EPB41L1: variants seen among roughly 807,000 people sequenced by gnomAD.
The protein encoded by EPB41L1 is band 4.1-like protein 1.
EPB41L1 carries 29 observed loss-of-function variants against 97.8 expected under a neutral mutation model. The observed-to-expected ratio is 0.30, with a 90% CI of 0.22 to 0.40. EPB41L1 has a LOEUF of 0.40. Among genes scored for constraint, EPB41L1 ranks in the 10% least tolerant of loss-of-function variants. EPB41L1 has a pLI of 1.00. For missense variants in EPB41L1, 812 were observed against 1,162.3 expected, an observed-to-expected ratio of 0.70 and a Z score of 4.38; for synonymous variants, 383 against 459.2, an observed-to-expected ratio of 0.83 and a Z score of 2.12.
intron 21 of EPB41L1, among the ~76,000 whole-genome samples, chr20:36,229,101 T>C (rs1273293829): frequency 6.6e-6 from 1 of 152,116 alleles, no homozygotes; most frequent in Non-Finnish European, 1.5e-5. Context: ...GCCTTGAGTT[T>C]CTCACCTCAA....
upstream of EPB41L1, chr20:36,153,024 C>T (rs1030135085): frequency 2.2e-6 from 1 of 456,626 alleles, no homozygotes; most frequent in African/African-American, 2.0e-5. Flanking sequence ...CTCTGCTCTT[C>T]ATCCGCTGCT....
chr20:36,177,912 G>A (rs540460928), intron 3 of EPB41L1, 40 bp from the exon 4 acceptor site: 8 of 1,531,764 alleles, frequency 5.2e-6, no homozygotes, highest in African/African-American at 1.4e-5. Context: ...TCGCCCCGGG[G>A]TGTGCTTCAG....
chr20:36,196,867 C>T (rs912297932), intron 13 of EPB41L1, among the ~76,000 whole-genome samples: 6 of 152,230 alleles, frequency 3.9e-5, no homozygotes, highest in Non-Finnish European at 8.8e-5. Context: ...CCTGCCAGCT[C>T]CTGCACAAAG....
chr20:36,159,285 T>C (rs1014587018), intron 1 of EPB41L1, among the ~76,000 whole-genome samples: 1 of 152,212 alleles, frequency 6.6e-6, no homozygotes, highest in African/African-American at 2.4e-5. Flanking sequence ...CATCAGAGCT[T>C]CCTCTATAAT....
At chr20:36,169,447 C>A (rs904407300) in intron 1 of EPB41L1, among the ~76,000 whole-genome samples, 2 of 152,082 alleles carry the variant, frequency 1.3e-5, no homozygotes, top group Non-Finnish European at 2.9e-5. Context: ...CTGGCAGCAA[C>A]GCTTAGTGTT....
intron 11 of EPB41L1, among the ~76,000 whole-genome samples, chr20:36,192,752 G>A (rs1293811194): frequency 2.0e-5 from 3 of 152,140 alleles, no homozygotes; most frequent in East Asian, 3.9e-4. Context: ...TAGCAGGTTT[G>A]TAAGCATTTG....
chr20:36,160,372 T>C (rs1600670032), intron 1 of EPB41L1, among the ~76,000 whole-genome samples: 1 of 152,004 alleles, frequency 6.6e-6, no homozygotes, highest in African/African-American at 2.4e-5. Context: ...TCACCTGAGG[T>C]CAGGAGTTCA....
chr20:36,133,792 G>A (rs1434906108), intron 2 of EPB41L1, among the ~76,000 whole-genome samples: 1 of 151,450 alleles, frequency 6.6e-6, no homozygotes, highest in Admixed American at 6.6e-5. Context: ...AGGAGGTTGA[G>A]GCTTGCAGTG....
chr20:36,174,040 G>A, intron 2 of EPB41L1, 86 bp downstream of exon 2: 1 of 1,430,392 alleles, frequency 7.0e-7, no homozygotes. Flanking sequence ...TTTTTCTGGA[G>A]GGAGGAAAGA....
chr20:36,155,546 C>T, intron 1 of EPB41L1: 1 of 455,006 alleles, frequency 2.2e-6, no homozygotes, highest in Non-Finnish European at 4.4e-6. Flanking sequence ...AGGCTGGGGT[C>T]TCAGGGATGG....
At chr20:36,142,624 G>T (rs1031756819) in intron 2 of EPB41L1, among the ~76,000 whole-genome samples, 2 of 152,304 alleles carry the variant, frequency 1.3e-5, no homozygotes, top group Middle Eastern at 3.4e-3. Flanking sequence ...TCACTTGCAC[G>T]GATTGGGCGG....
intron 1 of EPB41L1, chr20:36,091,701 C>T (rs1472720532): frequency 6.6e-6 from 1 of 152,248 alleles, no homozygotes; most frequent in Non-Finnish European, 1.5e-5. Flanking sequence ...TTCCCTGTTT[C>T]TTCCTTTAGC....
At chr20:36,218,357 A>G (rs1172029357) in intron 17 of EPB41L1, among the ~76,000 whole-genome samples, 3 of 152,250 alleles carry the variant, frequency 2.0e-5, no homozygotes, top group Non-Finnish European at 4.4e-5. Flanking sequence ...AGTCATTATT[A>G]TTATTATATT....
intron 21 of EPB41L1, among the ~76,000 whole-genome samples, chr20:36,223,366 G>T (rs984168584): frequency 6.6e-6 from 1 of 152,208 alleles, no homozygotes; most frequent in Non-Finnish European, 1.5e-5. Context: ...ACCTGCAGGA[G>T]CCAAAATCTT....
At chr20:36,128,799 T>C (rs2059075467) in intron 2 of EPB41L1, among the ~76,000 whole-genome samples, 1 of 146,056 alleles carries the variant, frequency 6.8e-6, no homozygotes, top group Non-Finnish European at 1.5e-5. Context: ...CTTTGTGACC[T>C]AGCCTCTCTC....
intron 2 of EPB41L1, among the ~76,000 whole-genome samples, chr20:36,143,499 AGT>A (rs1262256740): frequency 6.6e-6 from 1 of 152,228 alleles, no homozygotes; most frequent in Non-Finnish European, 1.5e-5. Context: ...TCATCGTCTT[AGT>A]GAAGTCTTTA....
At chr20:36,201,695 G>A (rs746432909) in intron 14 of EPB41L1, among the ~76,000 whole-genome samples, 2 of 152,160 alleles carry the variant, frequency 1.3e-5, no homozygotes, top group Non-Finnish European at 2.9e-5. Context: ...TGCCCAGGGC[G>A]GCAGCAAGTG....
chr20:36,221,049 T>C (rs1199269259), intron 19 of EPB41L1, among the ~76,000 whole-genome samples: 1 of 152,186 alleles, frequency 6.6e-6, no homozygotes, highest in Non-Finnish European at 1.5e-5. Context: ...TCTGAAAGCT[T>C]TATGGGAGGT....
Position 36,175,636 on chromosome 20 carries a change from A to G in EPB41L1, c.263A>G (p.Gln88Arg). Residue 88 changes from glutamine (Q) to arginine (R), a missense_variant, in exon 3 of 22, where the codon CAG becomes CGG. This residue lies in a region of EPB41L1 where 230 missense variants were observed against 445.2 expected (regional missense o/e 0.52). Transcript: ENST00000338074. ...CCCAGCAAGGCCCAGAAATCGCCCC[A>G]GAAGATTGCCAAGAAATACAAGAGT... Reference protein sequence around the residue: ...TTPSKAQKSPQKIAKKYKSAI... With the variant: ...TTPSKAQKSPRKIAKKYKSAI... 4.3e-6 allele frequency: 7 copies of G among 1,614,218 alleles called. No homozygotes were observed. The highest frequency in any genetic ancestry group is 5.1e-6 in the Non-Finnish European group (6 of 1,180,040).
Sources: allele counts gnomAD v4.1 joint callset (sites outside exome capture counted in the v4.1 genomes callset), GRCh38; gene constraint gnomAD v4.1.1; regional missense constraint gnomAD v4.1.1; transcripts MANE v1.5; gene names NCBI Gene and HGNC (gene_info 2026-07-23, HGNC 2026-07-21).